The following ZCCHC7 variants were observed in gnomAD, a reference collection of about 807,000 sequenced individuals.
ZCCHC7 encodes the protein zinc finger CCHC-type containing 7, also known as zinc finger CCHC domain-containing protein 7.
In ZCCHC7, 35 loss-of-function variants were observed where a neutral mutation model predicts 52.0. The observed-to-expected ratio is 0.67, with a 90% CI of 0.51 to 0.89. ZCCHC7 has a LOEUF of 0.89. Among genes scored for constraint, ZCCHC7 ranks in the 40% least tolerant of loss-of-function variants. ZCCHC7 has a pLI of 0.00. For synonymous variants in ZCCHC7, 217 were observed against 221.5 expected (o/e 0.98, Z 0.18); for missense variants, 574 against 649.1 (o/e 0.88, Z 1.26).
chr9:37,314,931 A>G (rs1188055151), intron 5 of ZCCHC7, among the ~76,000 whole-genome samples: 3 of 152,086 alleles, frequency 2.0e-5, no homozygotes, highest in African/African-American at 4.8e-5. Context: ...AATTCTGTGT[A>G]TGATTTTGTT....
chr9:37,192,779 C>T (rs977856940), intron 2 of ZCCHC7, among the ~76,000 whole-genome samples: 2 of 152,160 alleles, frequency 1.3e-5, no homozygotes, highest in Non-Finnish European at 1.5e-5. Flanking sequence ...TCTACAATGA[C>T]TCATGTCTTT....
At chr9:37,254,192 C>T (rs768592517) in intron 2 of ZCCHC7, among the ~76,000 whole-genome samples, 1 of 151,924 alleles carries the variant, frequency 6.6e-6, no homozygotes, top group African/African-American at 2.4e-5. Flanking sequence ...TTCCATTTTA[C>T]GAAGAACTGG....
chr9:37,180,387 T>TA (rs1343196003), intron 2 of ZCCHC7, among the ~76,000 whole-genome samples: 4 of 152,058 alleles, frequency 2.6e-5, no homozygotes, highest in East Asian at 1.9e-4. Flanking sequence ...AAAACTGGGT[T>TA]AAAAAAATAG....
At chr9:37,133,714 G>C (rs1358209004) in intron 2 of ZCCHC7, among the ~76,000 whole-genome samples, 1 of 152,034 alleles carries the variant, frequency 6.6e-6, no homozygotes, top group Admixed American at 6.5e-5. Context: ...TCAGCCTTCC[G>C]AGTAGCTGGG....
At chr9:37,306,094 G>A (rs1175159840) in intron 5 of ZCCHC7, among the ~76,000 whole-genome samples, 1 of 151,318 alleles carries the variant, frequency 6.6e-6, no homozygotes, top group Non-Finnish European at 1.5e-5. Flanking sequence ...TTGAGACATA[G>A]TCTCACTCTG....
At chr9:37,193,850 G>T (rs1823145165) in intron 2 of ZCCHC7, among the ~76,000 whole-genome samples, 1 of 152,144 alleles carries the variant, frequency 6.6e-6, no homozygotes, top group African/African-American at 2.4e-5. Context: ...TTCCTAATCA[G>T]TGCAAATCCA....
intron 5 of ZCCHC7, among the ~76,000 whole-genome samples, chr9:37,325,502 A>T (rs1246416510): frequency 6.6e-6 from 1 of 152,214 alleles, no homozygotes; most frequent in Admixed American, 6.5e-5. Flanking sequence ...CATGCAATAG[A>T]TACATACATT....
intron 2 of ZCCHC7, among the ~76,000 whole-genome samples, chr9:37,162,139 TG>T (rs1821140289): frequency 6.6e-6 from 1 of 152,196 alleles, no homozygotes; most frequent in African/African-American, 2.4e-5. Context: ...GTGGTACTTT[TG>T]TAAACTTTAC....
At chr9:37,165,178 A>G (rs1249137539) in intron 2 of ZCCHC7, among the ~76,000 whole-genome samples, 4 of 152,300 alleles carry the variant, frequency 2.6e-5, no homozygotes, top group South Asian at 2.1e-4. Context: ...CTTGATTCCT[A>G]TAACTTTGCT....
chr9:37,304,316 A>G lies in ZCCHC7; in HGVS notation c.780+3A>G. 6.2e-7 allele frequency: 1 copy of G among 1,612,516 alleles called. No individual in the cohort carries two copies. Among genetic ancestry groups the G allele is most frequent in the Non-Finnish European group, 8.5e-7 (1 of 1,179,390 alleles). On this transcript the variant is annotated splice_donor_region_variant and intron_variant, in intron 4 of 8. Coordinates refer to ENST00000336755, the MANE Select transcript of ZCCHC7 (RefSeq NM_032226.3). Reference sequence around the variant, plus strand: ...CAAAAAACTGCCCCTTACCACGAGTACGTGAAATATGCTTTGCTTCTTTCC... The same window carrying G: ...CAAAAAACTGCCCCTTACCACGAGTGCGTGAAATATGCTTTGCTTCTTTCC...
chr9:37,237,649 T>C (rs1432511627), intron 2 of ZCCHC7, among the ~76,000 whole-genome samples: 3 of 152,188 alleles, frequency 2.0e-5, no homozygotes, highest in Admixed American at 2.0e-4. Context: ...GGCATCTAGG[T>C]TAGAATGGCA....
intron 2 of ZCCHC7, among the ~76,000 whole-genome samples, chr9:37,178,113 A>C (rs774428737): frequency 6.6e-6 from 1 of 152,122 alleles, no homozygotes; most frequent in Non-Finnish European, 1.5e-5. Context: ...GTAAACCTAA[A>C]ACTGTTCTAA....
At chr9:37,316,471 C>T (rs986399864) in intron 5 of ZCCHC7, among the ~76,000 whole-genome samples, 5 of 149,902 alleles carry the variant, frequency 3.3e-5, no homozygotes, top group East Asian at 1.9e-4. Context: ...ACTACAGGCA[C>T]GCACTACCCT....
intron 2 of ZCCHC7, 27 bp from the exon 3 acceptor site, chr9:37,302,161 T>C: frequency 6.3e-7 from 1 of 1,591,312 alleles, no homozygotes; most frequent in Non-Finnish European, 8.6e-7. Flanking sequence ...AGTGCCACGG[T>C]TAAGTAATAA....
At chr9:37,214,899 A>G (rs920770446) in intron 2 of ZCCHC7, among the ~76,000 whole-genome samples, 13 of 152,106 alleles carry the variant, frequency 8.5e-5, no homozygotes, top group Non-Finnish European at 8.8e-5. Context: ...TGCAACCTAT[A>G]CAGTTGAAGA....
chr9:37,343,000 A>G (rs1303267028), intron 6 of ZCCHC7, among the ~76,000 whole-genome samples: 1 of 152,246 alleles, frequency 6.6e-6, no homozygotes, highest in Non-Finnish European at 1.5e-5. Flanking sequence ...TCTTTGAATA[A>G]GCCAAACATA....
intron 2 of ZCCHC7, among the ~76,000 whole-genome samples, chr9:37,252,929 GT>G (rs1826400350): frequency 6.6e-6 from 1 of 152,082 alleles, no homozygotes; most frequent in African/African-American, 2.4e-5. Flanking sequence ...CCACTTAATA[GT>G]TCTGACTCTA....
At chr9:37,226,414 A>G (rs1825107423) in intron 2 of ZCCHC7, among the ~76,000 whole-genome samples, 1 of 152,110 alleles carries the variant, frequency 6.6e-6, no homozygotes, top group Non-Finnish European at 1.5e-5. Context: ...GCTTTAAAAA[A>G]AACTTAAGTT....
intron 2 of ZCCHC7, among the ~76,000 whole-genome samples, chr9:37,221,809 G>GT (rs958677278): frequency 1.9e-4 from 28 of 151,292 alleles, no homozygotes; most frequent in Non-Finnish European, 3.5e-4. Context: ...TTTTTAAAAA[G>GT]TTTTTTTTTG....
Sources: allele counts gnomAD v4.1 joint callset (sites outside exome capture counted in the v4.1 genomes callset), GRCh38; gene constraint gnomAD v4.1.1; transcripts MANE v1.5; gene names NCBI Gene and HGNC (gene_info 2026-07-23, HGNC 2026-07-21).